TEX15: variants seen among roughly 807,000 people sequenced by gnomAD.
TEX15 encodes the protein testis expressed 15, meiosis and synapsis associated, also known as testis-expressed protein 15.
TEX15 carries 171 observed loss-of-function variants against 237.3 expected under a neutral mutation model. The observed-to-expected ratio is 0.72, with a 90% CI of 0.64 to 0.82. The LOEUF is 0.82. TEX15 is among the 40% of genes least tolerant of loss of function. The pLI is 0.00. For missense variants in TEX15, 3,750 were observed against 3,646.5 expected, an observed-to-expected ratio of 1.03 and a Z score of -0.73; for synonymous variants, 1,338 against 1,269.8, an observed-to-expected ratio of 1.05 and a Z score of -1.14.
chr8:30,847,237 A>G lies in TEX15; in HGVS notation c.2930T>C (p.Val977Ala), dbSNP rs1807640654. Reference sequence around the variant, plus strand: ...TATTGCAGCATTTGAGGCTACACACACTGAAGAACTTGCAGTTTTGGGAAA... The same window carrying G: ...TATTGCAGCATTTGAGGCTACACACGCTGAAGAACTTGCAGTTTTGGGAAA... ...TTFPKTASSS[V>A]CVASNAAIQI... The change falls in exon 8 of 11, where the codon GTG becomes GCG. Residue 977 changes from valine to alanine, a missense_variant. Val to Ala is a moderately conservative substitution (Grantham distance 64, BLOSUM62 0). Transcript: ENST00000643185. The G allele has an allele frequency of 6.2e-7, 1 of 1,613,900 alleles. No homozygotes were observed. Among genetic ancestry groups the G allele is most frequent in the Non-Finnish European group, 8.5e-7 (1 of 1,179,848 alleles).
chr8:30,881,159 T>C (rs1808511239), intron 3 of TEX15, among the ~76,000 whole-genome samples: 2 of 152,196 alleles, frequency 1.3e-5, no homozygotes, highest in Admixed American at 6.5e-5. Flanking sequence ...GCTAATATTG[T>C]TTAGGATATC....
chr8:30,837,700 T>C lies in TEX15; in HGVS notation c.8584A>G (p.Lys2862Glu). ...GGATCTGGGGAATTTTTAAGAAATT[T>C]CTGCAAAAGCGTCCCATGGTCTGGT... is the stretch of plus-strand genomic sequence containing the variant. ...FSPDHGTLLQKFLKNSPDPTQ... is the reference protein window; with the variant it reads ...FSPDHGTLLQEFLKNSPDPTQ... The change falls in exon 10 of 11, where the codon AAA (lysine) becomes GAA (glutamate). Residue 2862 changes from lysine (K) to glutamate (E), a missense_variant. Physicochemically the swap from Lys to Glu is moderately conservative, Grantham distance 56. Coordinates refer to ENST00000643185, the MANE Select transcript of TEX15 (RefSeq NM_001350162.2). The C allele has an allele frequency of 1.2e-6, 2 of 1,613,928 alleles. No individual in the cohort carries two copies. The highest frequency in any genetic ancestry group is 1.7e-6 in the Non-Finnish European group (2 of 1,179,948).
intron 4 of TEX15, among the ~76,000 whole-genome samples, chr8:30,868,431 C>T (rs1220031462): frequency 6.6e-6 from 1 of 151,880 alleles, no homozygotes; most frequent in Admixed American, 6.6e-5. Context: ...CAGAACCCAG[C>T]AAAGGAATGT....
intron 4 of TEX15, among the ~76,000 whole-genome samples, chr8:30,874,191 C>CA (rs1044290827): frequency 4.6e-5 from 7 of 152,114 alleles, no homozygotes; most frequent in African/African-American, 1.4e-4. Flanking sequence ...ATGTTTGAAT[C>CA]AAGAGGAATC....
Position 30,837,096 on chromosome 8 carries a change from C to T in TEX15, c.9188G>A (p.Gly3063Glu), listed in dbSNP as rs1807320890. ...NGNAITQTYQGITSYEVQPSP... is the reference protein window; with the variant it reads ...NGNAITQTYQEITSYEVQPSP... ...TGGCTGTACTTCATATGATGTTATC[C>T]CTTGGTATGTCTGGGTAATGGCATT... The change falls in exon 10 of 11, where the codon GGG (glycine) becomes GAG (glutamate). Residue 3063 changes from glycine to glutamate, a missense_variant. Transcript: ENST00000643185. 1 of 1,614,046 alleles carries T rather than the reference C, an allele frequency of 6.2e-7. No homozygotes were observed. The highest frequency in any genetic ancestry group is 8.5e-7 in the Non-Finnish European group (1 of 1,180,018).
In TEX15 at chr8:30,845,983, T is replaced by C. The variant is rs1170486861; in HGVS notation, c.4184A>G (p.His1395Arg). The C allele has an allele frequency of 3.1e-6, 5 of 1,613,088 alleles. No individual in the cohort carries two copies. The highest frequency in any genetic ancestry group is 1.3e-5 in the African/African-American group (1 of 74,924). ...TTTAGTTATAAGCTGCAAAGATGTG[T>C]GAACTCTTCTATGAGCTTTTTTTAA... ...VHLKKAHRRV[H>R]TSLQLITKVG... Residue 1395 changes from histidine (H) to arginine (R), a missense_variant, in exon 8 of 11, where the codon CAC (histidine) becomes CGC (arginine). Coordinates refer to ENST00000643185, the MANE Select transcript of TEX15 (RefSeq NM_001350162.2).
At chr8:30,889,024 G>T (rs373869396) in intron 2 of TEX15, among the ~76,000 whole-genome samples, 1 of 152,166 alleles carries the variant, frequency 6.6e-6, no homozygotes. Context: ...GGGAAGAATG[G>T]AAAATAGTTT....
chr8:30,892,411 GA>G (rs374384081), intron 2 of TEX15, among the ~76,000 whole-genome samples: 13 of 146,086 alleles, frequency 8.9e-5, no homozygotes, highest in East Asian at 2.0e-4. Context: ...AAAACCAGAA[GA>G]AAAAAAAAAC....
chr8:30,901,849 C>T (rs1262434882), intron 1 of TEX15, among the ~76,000 whole-genome samples: 7 of 152,178 alleles, frequency 4.6e-5, no homozygotes, highest in Non-Finnish European at 1.0e-4. Context: ...GAAAAAACTA[C>T]TACTTAACAA....
In TEX15 at chr8:30,839,327, T is replaced by TA. The variant is rs1193688494; in HGVS notation, c.8222+578dup. ...ACCAGAAATGCGATAAAATCAAAAT[T>TA]ATACTTTCTGAGAGCTCAAAGTATC... On this transcript the variant is annotated intron_variant, in intron 9 of 10. Transcript: ENST00000643185. Among the ~76,000 whole-genome samples, 3 of 152,272 alleles carry TA rather than the reference T, an allele frequency of 2.0e-5. No homozygotes were observed. In the East Asian group the frequency reaches 5.8e-4, roughly 29 times the overall value.
chr8:30,904,867 A>T (rs1271604712), intron 1 of TEX15, among the ~76,000 whole-genome samples: 1 of 152,210 alleles, frequency 6.6e-6, no homozygotes, highest in Non-Finnish European at 1.5e-5. Context: ...AAAATGTATT[A>T]CTTGATAAGG....
chr8:30,855,821 T>G (rs1412702380), intron 7 of TEX15, among the ~76,000 whole-genome samples: 2 of 151,984 alleles, frequency 1.3e-5, no homozygotes, highest in Non-Finnish European at 2.9e-5. Flanking sequence ...GTGAAAGAAA[T>G]CAGGCGCAAA....
rs1249751346 is a variant in TEX15 at position 30,839,895 on chromosome 8, G to T, written c.8222+11C>A. ...ATTTTTTTTCCACATAGGGCTGATG[G>T]GAACTCCTACCTTGGATGCTTGAAT... On this transcript the variant is annotated intron_variant, in intron 9 of 10. Transcript: ENST00000643185. 13 of 1,590,454 alleles carry T rather than the reference G, an allele frequency of 8.2e-6. No individual in the cohort carries two copies. The highest frequency in any genetic ancestry group is 1.0e-5 in the Non-Finnish European group (12 of 1,168,914).
At chr8:30,901,605 C>G (rs1448594840) in intron 1 of TEX15, among the ~76,000 whole-genome samples, 1 of 152,094 alleles carries the variant, frequency 6.6e-6, no homozygotes, top group African/African-American at 2.4e-5. Context: ...ACAATATCAA[C>G]TTAAGCAACG....
At position 30,833,230 on chromosome 8, in the gene TEX15, T is replaced by G; in HGVS notation, c.*56A>C. 1 of 1,219,772 alleles carries G rather than the reference T, an allele frequency of 8.2e-7. No individual in the cohort carries two copies. Among genetic ancestry groups the G allele is most frequent in the Non-Finnish European group, 1.2e-6 (1 of 866,666 alleles). 75.6% of individuals were successfully genotyped at this position (1,219,772 alleles called of 1,614,324 possible). On this transcript the variant is annotated 3_prime_UTR_variant, in exon 11 of 11. Coordinates refer to ENST00000643185, the MANE Select transcript of TEX15 (RefSeq NM_001350162.2). ...CGCTAAATGTTAAAAAATATATAAG[T>G]AAAAAATATTTGGAAAAACTTGTTA...
In TEX15 at chr8:30,847,754, A is replaced by G; in HGVS notation, c.2413T>C (p.Cys805Arg). ...TCATTTTCATTTTTCCTATGGACAC[A>G]TATATGTTCTCTAGTTATGCTGCAA... is the stretch of plus-strand genomic sequence containing the variant. Reference protein sequence around the residue: ...SNCSITREHICVHRKNENEPV... With the variant: ...SNCSITREHIRVHRKNENEPV... Residue 805 changes from cysteine (C) to arginine (R), a missense_variant, in exon 8 of 11, where the codon TGT (cysteine) becomes CGT (arginine). Transcript: ENST00000643185. The G allele has an allele frequency of 6.2e-7, 1 of 1,613,706 alleles. No homozygotes were observed. The highest frequency in any genetic ancestry group is 2.2e-5 in the East Asian group (1 of 44,860).
chr8:30,840,192 T>A (rs1027440001), intron 8 of TEX15, among the ~76,000 whole-genome samples: 1 of 151,816 alleles, frequency 6.6e-6, no homozygotes, highest in Non-Finnish European at 1.5e-5. Context: ...ATTCTTCTTA[T>A]CCTCACATCT....
chr8:30,867,682 T>C (rs1241679533), intron 4 of TEX15, among the ~76,000 whole-genome samples, 180 bp from the exon 5 acceptor site: 20 of 152,104 alleles, frequency 1.3e-4, no homozygotes, highest in Admixed American at 1.3e-3. Flanking sequence ...CAGGATTACT[T>C]AGCCAAGATT....
intron 1 of TEX15, among the ~76,000 whole-genome samples, chr8:30,912,058 G>A (rs1026699200): frequency 2.0e-5 from 3 of 152,226 alleles, no homozygotes; most frequent in African/African-American, 7.2e-5. Context: ...CGCATCCCGG[G>A]CGCGCCAGTC....
Sources: gnomAD v4.1 joint callset for allele counts (sites outside exome capture counted in the v4.1 genomes callset) on GRCh38, gnomAD v4.1.1 for gene constraint, MANE v1.5 for transcripts, NCBI Gene and HGNC (gene_info 2026-07-23, HGNC 2026-07-21) for gene names.